Variants in UGGT2 observed in about 807,000 individuals in gnomAD.
UGGT2 encodes the protein UDP-glucose glycoprotein glucosyltransferase 2, also known as UDP-glucose:glycoprotein glucosyltransferase 2.
A neutral mutation model predicts 192.1 loss-of-function variants in UGGT2; 180 were observed. The ratio of observed to expected loss-of-function variants is 0.94; its 90% confidence interval spans 0.83 to 1.06. UGGT2 has a LOEUF of 1.06. Ranked by LOEUF, UGGT2 falls within the 50% of genes least tolerant of loss-of-function variation. The probability of loss-of-function intolerance (pLI) is 0.00; values close to 1 mark genes in which losing one functional copy is unlikely to be tolerated. For synonymous variants in UGGT2, 580 were observed against 591.0 expected (o/e 0.98, Z 0.27); for missense variants, 1,849 against 1,795.7 (o/e 1.03, Z -0.54).
chr13:95,818,881 A>G (rs1236843159), intron 38 of UGGT2, among the ~76,000 whole-genome samples: 1 of 152,178 alleles, frequency 6.6e-6, no homozygotes, highest in African/African-American at 2.4e-5. Context: ...AGCTGCGGAC[A>G]CATGGAAGAG....
At chr13:95,876,152 A>G (rs1309047169) in intron 29 of UGGT2, among the ~76,000 whole-genome samples, 2 of 152,236 alleles carry the variant, frequency 1.3e-5, no homozygotes, top group Admixed American at 6.5e-5. Flanking sequence ...AAAAAGTGTG[A>G]TAACTCCTGC....
At chr13:95,998,108 C>T (rs1293803538) in intron 6 of UGGT2, among the ~76,000 whole-genome samples, 1 of 152,052 alleles carries the variant, frequency 6.6e-6, no homozygotes, top group Admixed American at 6.6e-5. Context: ...AGTTAAAGGT[C>T]TGATACATGT....
intron 17 of UGGT2, among the ~76,000 whole-genome samples, chr13:95,935,092 T>C (rs922965730): frequency 1.3e-5 from 2 of 152,216 alleles, no homozygotes; most frequent in East Asian, 3.9e-4. Context: ...CTCAAACCCT[T>C]TACTTTGAGC....
Position 95,894,672 on chromosome 13 carries a change from C to T in UGGT2, c.2760-15G>A. Reference sequence around the variant, plus strand: ...AGTCACTCATGCTAGATAAACAAGACAAACAGTGTATGAGTTTTTTGGAAA... The same window carrying T: ...AGTCACTCATGCTAGATAAACAAGATAAACAGTGTATGAGTTTTTTGGAAA... On this transcript the variant is annotated splice_polypyrimidine_tract_variant and intron_variant, in intron 23 of 38. Coordinates refer to ENST00000376747, the MANE Select transcript of UGGT2 (RefSeq NM_020121.4). 2 of 1,600,134 alleles carry T rather than the reference C, an allele frequency of 1.2e-6. No individual in the cohort carries two copies. The highest frequency in any genetic ancestry group is 8.5e-7 in the Non-Finnish European group (1 of 1,171,248).
In UGGT2 at chr13:95,902,909, TC is replaced by T. The variant is rs749004934; in HGVS notation, c.2446del (p.Glu816LysfsTer35). On this transcript the variant is annotated frameshift_variant, in exon 21 of 39. Coordinates refer to ENST00000376747, the MANE Select transcript of UGGT2 (RefSeq NM_020121.4). LOFTEE classifies it high-confidence loss of function. ...AGAGTAAATAGCTGTAGCAATTTCTTCCTTTGCCAGTTGCCCAAGAAAGCTT... is the reference window on the plus strand; with the variant it reads ...AGAGTAAATAGCTGTAGCAATTTCTTCTTTGCCAGTTGCCCAAGAAAGCTT... The part of the protein sequence containing the change: ...LRSFLGQLAK[E>X]EIATAIYSGD... The T allele has an allele frequency of 3.1e-6, 5 of 1,613,582 alleles. No individual in the cohort carries two copies. In the South Asian group the frequency reaches 5.5e-5, roughly 18 times the overall value.
chr13:96,041,510 G>A (rs1361615688), intron 1 of UGGT2, among the ~76,000 whole-genome samples: 1 of 152,172 alleles, frequency 6.6e-6, no homozygotes, highest in Non-Finnish European at 1.5e-5. Flanking sequence ...ACTTGGGAGA[G>A]GGCATGAATC....
chr13:96,049,593 C>G (rs113255974), intron 1 of UGGT2, among the ~76,000 whole-genome samples: 36 of 152,182 alleles, frequency 2.4e-4, no homozygotes, highest in African/African-American at 8.4e-4. Flanking sequence ...TCATCTCAGC[C>G]CAAAATCTCC....
intron 17 of UGGT2, 89 bp from the exon 18 acceptor site, chr13:95,927,425 C>A (rs1017204607): frequency 7.9e-5 from 74 of 939,182 alleles, no homozygotes; most frequent in Middle Eastern, 3.8e-4. Flanking sequence ...ATTACTTAAT[C>A]AAAAATAAAT....
In UGGT2 at chr13:95,996,890, T is replaced by C. The variant is rs149037102; in HGVS notation, c.758-755A>G. Among the ~76,000 whole-genome samples the C allele has an allele frequency of 4.1e-4, 63 of 152,304 alleles. 1 individual carries two copies. The East Asian group carries it at 0.011, about 27-fold the overall frequency. ...CTCAAAGAATAAAGATATAATATTTTATAGTCATTTCCCTTCTCCCTTACA... is the reference window on the plus strand; with the variant it reads ...CTCAAAGAATAAAGATATAATATTTCATAGTCATTTCCCTTCTCCCTTACA... On this transcript the variant is annotated intron_variant, in intron 6 of 38. Transcript: ENST00000376747.
At chr13:95,916,680 G>A (rs574186680) in intron 20 of UGGT2, among the ~76,000 whole-genome samples, 2 of 152,228 alleles carry the variant, frequency 1.3e-5, no homozygotes, top group East Asian at 3.9e-4. Context: ...AGCTGTAAAC[G>A]AGAACAATCA....
intron 20 of UGGT2, among the ~76,000 whole-genome samples, chr13:95,904,088 G>A (rs913268245): frequency 6.6e-6 from 1 of 151,894 alleles, no homozygotes; most frequent in Non-Finnish European, 1.5e-5. Flanking sequence ...TAAGACTTAA[G>A]GGCTTTTTTT....
intron 8 of UGGT2, among the ~76,000 whole-genome samples, chr13:95,987,889 A>C (rs2051339738): frequency 6.6e-6 from 1 of 152,110 alleles, no homozygotes; most frequent in Non-Finnish European, 1.5e-5. Context: ...GGCCTATCTG[A>C]ACTGCATCAA....
chr13:95,867,248 T>G, intron 30 of UGGT2, 91 bp downstream of exon 30: 1 of 1,147,580 alleles, frequency 8.7e-7, no homozygotes, highest in Non-Finnish European at 1.2e-6. Flanking sequence ...ATTGTAAAGT[T>G]AATTGTAAAA....
At chr13:95,824,896 G>T (rs1885863237) in intron 38 of UGGT2, among the ~76,000 whole-genome samples, 2 of 152,020 alleles carry the variant, frequency 1.3e-5, no homozygotes, top group Admixed American at 1.3e-4. Flanking sequence ...TCTCATTTGG[G>T]TATACTATTT....
At chr13:95,925,018 TG>T (rs1344794973) in intron 20 of UGGT2, among the ~76,000 whole-genome samples, 1 of 152,218 alleles carries the variant, frequency 6.6e-6, no homozygotes, top group Non-Finnish European at 1.5e-5. Flanking sequence ...TACCACCAAG[TG>T]GTAATTTGTT....
intron 37 of UGGT2, among the ~76,000 whole-genome samples, chr13:95,834,415 A>C (rs777504120): frequency 3.3e-5 from 5 of 152,094 alleles, no homozygotes; most frequent in Non-Finnish European, 7.4e-5. Context: ...CCAACAATGC[A>C]CAGGAAAACC....
intron 16 of UGGT2, among the ~76,000 whole-genome samples, chr13:95,939,580 A>G (rs2049593038): frequency 6.7e-6 from 1 of 149,988 alleles, no homozygotes; most frequent in Admixed American, 6.7e-5. Flanking sequence ...TTTATGATAT[A>G]TGACATTTTG....
chr13:96,020,320 G>A (rs1227200525), intron 4 of UGGT2, among the ~76,000 whole-genome samples: 1 of 152,216 alleles, frequency 6.6e-6, no homozygotes, highest in East Asian at 1.9e-4. Flanking sequence ...TGGCACTATT[G>A]TACTTAGAAA....
intron 10 of UGGT2, among the ~76,000 whole-genome samples, chr13:95,978,131 T>G (rs1387992481): frequency 1.3e-5 from 2 of 151,982 alleles, no homozygotes; most frequent in Non-Finnish European, 2.9e-5. Flanking sequence ...ATGGCACAAG[T>G]GTACCTACGT....
Sources: gnomAD v4.1 joint callset for allele counts (sites outside exome capture counted in the v4.1 genomes callset) on GRCh38, gnomAD v4.1.1 for gene constraint, MANE v1.5 for transcripts, NCBI Gene and HGNC (gene_info 2026-07-23, HGNC 2026-07-21) for gene names.